MKI67: variants seen among roughly 807,000 people sequenced by gnomAD.
MKI67 encodes marker of proliferation Ki-67.
Under a neutral mutation model 233.5 loss-of-function variants are expected in MKI67, and 152 were observed. The ratio of observed to expected loss-of-function variants is 0.65; its 90% CI spans 0.57 to 0.74. The LOEUF (loss-of-function observed/expected upper bound fraction) is 0.74. MKI67 is among the 30% of genes least tolerant of loss of function. The probability of loss-of-function intolerance (pLI) is 0.00; values close to 1 mark genes in which losing one functional copy is unlikely to be tolerated. For missense variants in MKI67, 3,940 were observed against 3,885.2 expected, an observed-to-expected ratio of 1.01 and a Z score of -0.37; for synonymous variants, 1,465 against 1,418.5, an observed-to-expected ratio of 1.03 and a Z score of -0.74.
rs375155612 is a variant in MKI67 at position 128,104,269 on chromosome 10, G to A, written c.7571C>T (p.Ala2524Val). 1.1e-5 allele frequency: 18 copies of A among 1,613,992 alleles called. No individual in the cohort carries two copies. The highest frequency in any genetic ancestry group is 8.0e-5 in the African/African-American group (6 of 74,962). The change falls in exon 13 of 15, where the codon GCG (alanine) becomes GTG (valine). Residue 2524 changes from alanine (A) to valine (V), a missense_variant. By Grantham distance (64) the Ala-to-Val change is moderately conservative (BLOSUM62 0). Coordinates refer to ENST00000368654, the MANE Select transcript of MKI67 (RefSeq NM_002417.5). ...EPTGDSKSIK[A>V]FKESPKQILD... ...GATCTGCTTTGGAGACTCCTTAAACGCTTTGATGCTCTTACTATCTCCTGT... is the reference window on the plus strand; with the variant it reads ...GATCTGCTTTGGAGACTCCTTAAACACTTTGATGCTCTTACTATCTCCTGT...
chr10:128,123,621 TAAAG>T (rs1852996346), intron 2 of MKI67, among the ~76,000 whole-genome samples: 1 of 152,322 alleles, frequency 6.6e-6, no homozygotes. Context: ...TCATATACAA[TAAAG>T]AAATTACATT....
At chr10:128,123,803 G>A (rs776174243) in intron 2 of MKI67, among the ~76,000 whole-genome samples, 5 of 151,126 alleles carry the variant, frequency 3.3e-5, no homozygotes, top group Admixed American at 6.6e-5. Flanking sequence ...ATTTGCAAGC[G>A]ACACAAAAAA....
In MKI67 at chr10:128,107,683, C is replaced by T. The variant is rs749971455; in HGVS notation, c.4157G>A (p.Ser1386Asn). 1.5e-5 allele frequency: 25 copies of T among 1,613,852 alleles called. No homozygotes were observed. The highest frequency in any genetic ancestry group is 1.2e-4 in the Admixed American group (7 of 59,970). The change falls in exon 13 of 15, where the codon AGC (serine) becomes AAC (asparagine). Residue 1386 changes from serine to asparagine, a missense_variant. Ser to Asn is a conservative substitution (Grantham distance 46). Transcript: ENST00000368654. ...AGGTGTCTTGGGCTGCCTTCTTGTG[C>T]TTGTTGGGGTGTCTGCTGATTCTGG... ...SPPESADTPTSTRRQPKTPLE... is the reference protein window; with the variant it reads ...SPPESADTPTNTRRQPKTPLE...
chr10:128,125,535 C>T lies in MKI67; in HGVS notation c.92+41G>A, dbSNP rs1853036289. The T allele has an allele frequency of 3.9e-6, 6 of 1,533,806 alleles. No individual in the cohort carries two copies. The highest frequency in any genetic ancestry group is 5.4e-6 in the Non-Finnish European group (6 of 1,109,024). Reference sequence around the variant, plus strand: ...TATTCTGTGACTAAGGTATTTTCCTCTTTCTCAGCTAAAACGTCCGCGCGC... The same window carrying T: ...TATTCTGTGACTAAGGTATTTTCCTTTTTCTCAGCTAAAACGTCCGCGCGC... On this transcript the variant is annotated intron_variant, in intron 2 of 14. Coordinates refer to ENST00000368654, the MANE Select transcript of MKI67 (RefSeq NM_002417.5). This position sits in a 1 kb window ranked among gnomAD's most constrained non-coding sequence, Gnocchi z 5.3.
In MKI67 at chr10:128,104,433, T is replaced by C. The variant is rs149004703; in HGVS notation, c.7407A>G (p.Pro2469=). The C allele has an allele frequency of 8.0e-5, 129 of 1,613,972 alleles. No individual in the cohort carries two copies. Among genetic ancestry groups the C allele is most frequent in the Non-Finnish European group, 9.4e-5 (111 of 1,180,040 alleles). ...AGCTTCTTGAGGTTTTGAATGACTC[T>C]GGCTGTGGAGATTTACAGGATACTT... ...ITEVSCKSPQ[P]ESFKTSRSSK... The change falls in exon 13 of 15, where the codon CCA becomes CCG. Residue 2469 remains proline (P), a synonymous_variant. Transcript: ENST00000368654.
chr10:128,102,587 C>A lies in MKI67; in HGVS notation c.9253G>T (p.Glu3085Ter). The A allele has an allele frequency of 6.2e-7, 1 of 1,612,812 alleles. No homozygotes were observed. The highest frequency in any genetic ancestry group is 8.5e-7 in the Non-Finnish European group (1 of 1,179,102). Reference sequence around the variant, plus strand: ...GTAATACTTCCTCTCACCTTATTTTCAGGGACCGAGTCTTGTAATTTGTGT... The same window carrying A: ...GTAATACTTCCTCTCACCTTATTTTAAGGGACCGAGTCTTGTAATTTGTGT... ...EEHKLQDSVPENKGISLRSRR... is the reference protein window; with the variant it reads ...EEHKLQDSVP Residue 3085 changes from glutamate to a stop codon, truncating the protein, a stop_gained, in exon 13 of 15, where the codon GAA becomes TAA. Coordinates refer to ENST00000368654, the MANE Select transcript of MKI67 (RefSeq NM_002417.5). LOFTEE classifies it high-confidence loss of function.
Position 128,104,615 on chromosome 10 carries a change from G to C in MKI67, c.7225C>G (p.Gln2409Glu), listed in dbSNP as rs200667739. 8.1e-6 allele frequency: 13 copies of C among 1,613,994 alleles called. No homozygotes were observed. Among genetic ancestry groups the C allele is most frequent in the Non-Finnish European group, 9.3e-6 (11 of 1,179,962 alleles). The change falls in exon 13 of 15, where the codon CAG (glutamine) becomes GAG (glutamate). Residue 2409 changes from glutamine to glutamate, a missense_variant. Transcript: ENST00000368654. ...AAATTTCCTAGCAGGTCCAGTTTCT[G>C]CACTGGAGTTTCCACAAATGTGTTG... ...NINTFVETPV[Q>E]KLDLLGNLPG...
In MKI67 at chr10:128,123,015, G is replaced by A; in HGVS notation, c.172-19C>T. The A allele has an allele frequency of 6.4e-7, 1 of 1,573,252 alleles. No homozygotes were observed. Among genetic ancestry groups the A allele is most frequent in the Non-Finnish European group, 8.7e-7 (1 of 1,144,522 alleles). The stretch of plus-strand genomic sequence containing the variant: ...ATATTGCCTGCAAGTGAAAAGAAGG[G>A]GAAATATGTAACTAATGAACAGATT... On this transcript the variant is annotated intron_variant, in intron 3 of 14. Coordinates refer to ENST00000368654, the MANE Select transcript of MKI67 (RefSeq NM_002417.5).
rs755388553 is a variant in MKI67, at chr10:128,123,071, T to A, written c.171+20A>T. On this transcript the variant is annotated intron_variant, in intron 3 of 14. Coordinates refer to ENST00000368654, the MANE Select transcript of MKI67 (RefSeq NM_002417.5). ...TGAACTAAAAAGCTTTAAAAGTAGATCTTCAAAAAACCCACTCACCTCCTG... is the reference window on the plus strand; with the variant it reads ...TGAACTAAAAAGCTTTAAAAGTAGAACTTCAAAAAACCCACTCACCTCCTG... 3 of 1,607,770 alleles carry A rather than the reference T, an allele frequency of 1.9e-6. No homozygotes were observed. Among genetic ancestry groups the A allele is most frequent in the South Asian group, 2.2e-5 (2 of 90,762 alleles).
chr10:128,111,918 G>T lies in MKI67; in HGVS notation c.2088+9C>A. ...TATGTGTAAAGCAGCCATTCAGTGA[G>T]GCCCCTACCTTTGGAGTAGCAGGTC... On this transcript the variant is annotated intron_variant, in intron 10 of 14. Transcript: ENST00000368654. 6.2e-7 allele frequency: 1 copy of T among 1,608,062 alleles called. No individual in the cohort carries two copies.
intron 5 of MKI67, among the ~76,000 whole-genome samples, chr10:128,117,849 A>G (rs1852839865): frequency 6.6e-6 from 1 of 152,244 alleles, no homozygotes; most frequent in Admixed American, 6.5e-5. Context: ...AATTGCTGTC[A>G]TATTTACTAC....
chr10:128,122,061 C>T (rs137879379), intron 4 of MKI67, among the ~76,000 whole-genome samples: 19 of 152,256 alleles, frequency 1.2e-4, no homozygotes, highest in Admixed American at 1.3e-4. Flanking sequence ...GATTAGACAA[C>T]AGCATTTTTA....
Position 128,103,305 on chromosome 10 carries a change from A to G in MKI67, c.8535T>C (p.Arg2845=), listed in dbSNP as rs1246364754. The G allele has an allele frequency of 1.2e-6, 2 of 1,613,872 alleles. No homozygotes were observed. The highest frequency in any genetic ancestry group is 2.7e-5 in the African/African-American group (2 of 74,822). ...CCTCCTTCACTTCTACTTTCTGGGC[A>G]CGTGTCCTGGGCCGTCTCTTTGAGC... ...ATSSKRRPRT[R]AQKVEVKEEL... Residue 2845 remains arginine (R), a synonymous_variant, in exon 13 of 15, where the codon CGT becomes CGC. Transcript: ENST00000368654.
chr10:128,107,992 A>G lies in MKI67; in HGVS notation c.3848T>C (p.Leu1283Ser). Residue 1283 changes from leucine to serine, a missense_variant, in exon 13 of 15, where the codon TTA becomes TCA. Physicochemically the swap from Leu to Ser is moderately radical, Grantham distance 145. Transcript: ENST00000368654. ...TGATGGCATTAGATTCCTGCACGCT[A>G]AGAGTTCTCCCTCTACATCTGCTTT... is the stretch of plus-strand genomic sequence containing the variant. ...IRKADVEGEL[L>S]ACRNLMPSAG... is the part of the protein sequence containing the mutation. 3.7e-6 allele frequency: 6 copies of G among 1,612,864 alleles called. No individual in the cohort carries two copies. The highest frequency in any genetic ancestry group is 5.1e-6 in the Non-Finnish European group (6 of 1,179,752).
rs777584655 is a variant in MKI67 at position 128,109,365 on chromosome 10, A to G, written c.2475T>C (p.Ser825=). The G allele has an allele frequency of 1.2e-6, 2 of 1,614,198 alleles. No homozygotes were observed. The highest frequency in any genetic ancestry group is 1.7e-5 in the Admixed American group (1 of 60,020). ...ACTGCCGTCTTAAGGGAGGGCTTGC[A>G]GAGCATTTATCAGATGGCTGTTTTG... is the stretch of plus-strand genomic sequence containing the variant. ...NAAKQPSDKC[S]ASPPLRRQCI... The change falls in exon 13 of 15, where the codon TCT becomes TCC. Residue 825 remains serine (S), a synonymous_variant. Coordinates refer to ENST00000368654, the MANE Select transcript of MKI67 (RefSeq NM_002417.5).
chr10:128,117,630 C>A (rs534625825), intron 5 of MKI67, among the ~76,000 whole-genome samples: 4 of 152,244 alleles, frequency 2.6e-5, no homozygotes, highest in Non-Finnish European at 2.9e-5. Flanking sequence ...AATCTAACTT[C>A]CTTAATCAAT....
intron 12 of MKI67, 145 bp from the exon 13 acceptor site, chr10:128,109,568 CTGTCTT>C: frequency 3.3e-6 from 3 of 897,612 alleles, no homozygotes; most frequent in Non-Finnish European, 4.9e-6. Flanking sequence ...GTCTATAAAT[CTGTCTT>C]ATAAGAGCCA....
chr10:128,114,977 C>G lies in MKI67; in HGVS notation c.1431G>C (p.Gly477=). 6.3e-7 allele frequency: 1 copy of G among 1,597,812 alleles called. No individual in the cohort carries two copies. The highest frequency in any genetic ancestry group is 8.6e-7 in the Non-Finnish European group (1 of 1,167,010). The part of the protein sequence containing the change: ...LGTTAGQMCS[G]LPGLSSVDIN... ...TATCAACTGAACTAAGACCAGGTAA[C>G]CCAGAGCACATCTGTCCAGCTGTAG... is the stretch of plus-strand genomic sequence containing the variant. The change falls in exon 7 of 15, where the codon GGG becomes GGC. Residue 477 remains glycine, a synonymous_variant. Coordinates refer to ENST00000368654, the MANE Select transcript of MKI67 (RefSeq NM_002417.5).
Position 128,115,753 on chromosome 10 carries a change from T to G in MKI67, c.655A>C (p.Lys219Gln), listed in dbSNP as rs199752000. The part of the protein sequence containing the change: ...VKLVSRYGEL[K>Q]SVPTTQCLDN... ...AGACATTGTGTAGTGGGAACAGACT[T>G]CAATTCTCCATAACGGCTCACTAAT... Residue 219 changes from lysine (K) to glutamine (Q), a missense_variant, in exon 7 of 15, where the codon AAG becomes CAG. Coordinates refer to ENST00000368654, the MANE Select transcript of MKI67 (RefSeq NM_002417.5). 1.6e-4 allele frequency: 258 copies of G among 1,613,594 alleles called. 1 individual carries two copies. In the East Asian group the frequency reaches 5.4e-3, roughly 34 times the overall value.
Sources: allele counts gnomAD v4.1 joint callset (sites outside exome capture counted in the v4.1 genomes callset), GRCh38; gene constraint gnomAD v4.1.1; non-coding constraint Gnocchi (gnomAD v3.1); transcripts MANE v1.5; gene names NCBI Gene and HGNC (gene_info 2026-07-23, HGNC 2026-07-21).